Variants in LRRC74A observed in about 807,000 individuals in gnomAD.
LRRC74A encodes leucine rich repeat containing 74A.
Under a neutral mutation model 57.9 loss-of-function variants are expected in LRRC74A, and 44 were observed. The observed-to-expected ratio is 0.76, with a 90% CI of 0.60 to 0.98. LRRC74A has a LOEUF of 0.98. LRRC74A is among the 50% of genes least tolerant of loss of function. The pLI is 0.00. For missense variants in LRRC74A, 572 were observed against 574.0 expected (o/e 1.00, Z 0.04); for synonymous variants, 211 against 219.4 (o/e 0.96, Z 0.34).
chr14:76,848,761 A>C (rs1897259498), intron 7 of LRRC74A, among the ~76,000 whole-genome samples: 1 of 152,282 alleles, frequency 6.6e-6, no homozygotes, highest in South Asian at 2.1e-4. Flanking sequence ...AAGAAGGAGG[A>C]GGTAATTACA....
intron 1 of LRRC74A, 88 bp downstream of exon 1, chr14:76,826,822 T>C (rs1283191984): frequency 4.6e-6 from 4 of 873,658 alleles, no homozygotes; most frequent in Non-Finnish European, 6.9e-6. Flanking sequence ...TGAAGCCCAC[T>C]TCTTTCCTCA....
At chr14:76,831,045 C>T (rs1456420843) in intron 2 of LRRC74A, among the ~76,000 whole-genome samples, 158 bp from the exon 3 acceptor site, 2 of 152,256 alleles carry the variant, frequency 1.3e-5, no homozygotes, top group Admixed American at 6.5e-5. Flanking sequence ...CCACCATGGA[C>T]TGACTTCCCA....
chr14:76,863,871 T>A (rs1163194811), intron 11 of LRRC74A, among the ~76,000 whole-genome samples: 1 of 152,212 alleles, frequency 6.6e-6, no homozygotes, highest in Non-Finnish European at 1.5e-5. Context: ...AGAAGCTGCA[T>A]GATTGCGGAA....
chr14:76,857,063 A>T (rs1387151405), intron 9 of LRRC74A, among the ~76,000 whole-genome samples: 1 of 148,244 alleles, frequency 6.7e-6, no homozygotes, highest in Non-Finnish European at 1.5e-5. Flanking sequence ...GGATGAATGG[A>T]TGGATAGATG....
intron 12 of LRRC74A, among the ~76,000 whole-genome samples, chr14:76,867,042 A>G (rs73307831): frequency 0.77 from 248 of 322 alleles, 117 homozygotes; most frequent in Admixed American, 0.92. Flanking sequence ...GTGTGTGTGC[A>G]TGTGGTAGTG....
intron 6 of LRRC74A, 63 bp from the exon 7 acceptor site, chr14:76,844,757 T>C: frequency 1.1e-6 from 1 of 912,860 alleles, no homozygotes; most frequent in South Asian, 1.4e-5. Flanking sequence ...TGCCCTGAGA[T>C]AAGTAAGATA....
At chr14:76,838,144 C>T (rs1327650819) in intron 5 of LRRC74A, among the ~76,000 whole-genome samples, 173 bp downstream of exon 5, 2 of 152,156 alleles carry the variant, frequency 1.3e-5, no homozygotes, top group Non-Finnish European at 2.9e-5. Context: ...TAGCCCCCGC[C>T]ATTTATCATC....
At chr14:76,829,891 C>T (rs1895852376) in intron 2 of LRRC74A, among the ~76,000 whole-genome samples, 3 of 152,084 alleles carry the variant, frequency 2.0e-5, no homozygotes, top group Admixed American at 1.3e-4. Flanking sequence ...AAGGGGGAGA[C>T]GAGCCTGGTT....
intron 11 of LRRC74A, 77 bp downstream of exon 11, chr14:76,860,916 G>C (rs1041797764): frequency 7.5e-7 from 1 of 1,328,010 alleles, no homozygotes; most frequent in Non-Finnish European, 1.0e-6. Flanking sequence ...TCAGTTTCCA[G>C]ACTTCTCCCT....
rs1287340586 is a variant in LRRC74A at position 76,852,225 on chromosome 14, C to G, written c.677-140C>G. On this transcript the variant is annotated intron_variant, in intron 7 of 13. Transcript: ENST00000689127. ...TACAATTTTGTGTTTAAATGAATAA[C>G]TAAAAAAATTATTATCTGAGAATTT... is the stretch of plus-strand genomic sequence containing the variant. The G allele has an allele frequency of 1.3e-5, 8 of 594,054 alleles. No homozygotes were observed. The South Asian group carries it at 1.7e-4, about 12-fold the overall frequency. 36.8% of individuals were successfully genotyped at this position (594,054 alleles called of 1,614,324 possible).
chr14:76,870,065 C>T lies in LRRC74A; in HGVS notation c.1392-60C>T, dbSNP rs145712227. The T allele has an allele frequency of 2.3e-4, 360 of 1,564,484 alleles. 1 individual carries two copies. In the African/African-American group the frequency reaches 4.3e-3, roughly 19 times the overall value. On this transcript the variant is annotated intron_variant, in intron 13 of 13. Coordinates refer to ENST00000689127, the MANE Select transcript of LRRC74A (RefSeq NM_001385106.1). ...GGATTTAAGCCTGTCTTAACATTCT[C>T]ACCCATCAGCCATGAGGCTGTACGG...
intron 8 of LRRC74A, 149 bp downstream of exon 8, chr14:76,852,599 TC>T: frequency 2.3e-6 from 1 of 437,836 alleles, no homozygotes; most frequent in Non-Finnish European, 3.9e-6. Context: ...TTGTTCTCCC[TC>T]CCACAATTCC....
At chr14:76,869,541 A>G (rs1002185776) in intron 13 of LRRC74A, among the ~76,000 whole-genome samples, 1 of 152,164 alleles carries the variant, frequency 6.6e-6, no homozygotes, top group African/African-American at 2.4e-5. Flanking sequence ...GCACGAGGTC[A>G]GGAGTTCAAG....
rs776556612 is a variant in LRRC74A at position 76,828,328 on chromosome 14, T to C, written c.75T>C (p.Asp25=). Residue 25 remains aspartate (D), a synonymous_variant, in exon 2 of 14, where the codon GAT becomes GAC. Transcript: ENST00000689127. The part of the protein sequence containing the change: ...IEIEPVRQSS[D]KMLYCEAESP... The stretch of plus-strand genomic sequence containing the variant: ...TTGAGCCAGTACGACAGAGCAGCGA[T>C]AAAATGCTCTACTGTGAGGCCGAAT... The C allele has an allele frequency of 8.1e-6, 13 of 1,610,186 alleles. No individual in the cohort carries two copies. The highest frequency in any genetic ancestry group is 1.1e-5 in the Non-Finnish European group (13 of 1,176,796).
intron 7 of LRRC74A, among the ~76,000 whole-genome samples, chr14:76,849,979 C>A (rs377428431): frequency 6.6e-6 from 1 of 151,986 alleles, no homozygotes; most frequent in Non-Finnish European, 1.5e-5. Flanking sequence ...GAGGCCGAGG[C>A]GGGCGGATCA....
At chr14:76,831,411 G>A (rs1486297220) in intron 3 of LRRC74A, 36 bp downstream of exon 3, 2 of 1,608,382 alleles carry the variant, frequency 1.2e-6, no homozygotes, top group Non-Finnish European at 1.7e-6. Flanking sequence ...AAACCTGGAG[G>A]AGGTGGAGGG....
In LRRC74A at chr14:76,846,459, G is replaced by A. The variant is rs552988780; in HGVS notation, c.676+1558G>A. Among the ~76,000 whole-genome samples, 24 of 152,200 alleles carry A rather than the reference G, an allele frequency of 1.6e-4. No individual in the cohort carries two copies. In the South Asian group the frequency reaches 5.0e-3, roughly 32 times the overall value. On this transcript the variant is annotated intron_variant, in intron 7 of 13. Transcript: ENST00000689127. ...CATACACAGAGAAATGTGTGAGGAG[G>A]TTATTACAGCATCGCCATAAAAGAG...
At chr14:76,852,639 G>A (rs1195750213) in intron 8 of LRRC74A, among the ~76,000 whole-genome samples, 189 bp downstream of exon 8, 1 of 115,184 alleles carries the variant, frequency 8.7e-6, no homozygotes, top group Admixed American at 9.6e-5. Context: ...TTTTTTTTGA[G>A]ATGGAGTCTT....
At chr14:76,837,763 C>T (rs1896461781) in intron 4 of LRRC74A, 112 bp from the exon 5 acceptor site, 6 of 610,444 alleles carry the variant, frequency 9.8e-6, no homozygotes, top group Admixed American at 2.9e-5. Flanking sequence ...CTTTCCCACC[C>T]CAACCCTACT....
Sources: allele counts gnomAD v4.1 joint callset (sites outside exome capture counted in the v4.1 genomes callset), GRCh38; gene constraint gnomAD v4.1.1; transcripts MANE v1.5; gene names NCBI Gene and HGNC (gene_info 2026-07-23, HGNC 2026-07-21).